STK3: variants seen among roughly 807,000 people sequenced by gnomAD.
STK3 encodes the protein serine/threonine kinase 3, also known as serine/threonine-protein kinase 3.
A neutral mutation model predicts 58.0 loss-of-function variants in STK3; 41 were observed. The ratio of observed to expected loss-of-function variants is 0.71; its 90% CI spans 0.55 to 0.92. The LOEUF (loss-of-function observed/expected upper bound fraction) is 0.92, where lower values mean the gene tolerates loss of function less well. Among genes scored for constraint, STK3 ranks in the 40% least tolerant of loss-of-function variants. The pLI is 0.00. For synonymous variants in STK3, 170 were observed against 191.0 expected (o/e 0.89, Z 0.91); for missense variants, 479 against 602.7 (o/e 0.79, Z 2.15).
At chr8:98,433,147 G>A (rs972739999) in intron 3 of STK3, among the ~76,000 whole-genome samples, 2 of 152,110 alleles carry the variant, frequency 1.3e-5, no homozygotes. Flanking sequence ...CGGAGTCCTA[G>A]TTTTCTAGGA....
In STK3 at chr8:98,430,414, C is replaced by T. The variant is rs79809243; in HGVS notation, n.483+3713G>A. 2.7e-3 allele frequency: 447 copies of T among 167,186 alleles called. 4 individuals are homozygous for T. Among genetic ancestry groups the T allele is most frequent in the Non-Finnish European group, 5.1e-3 (344 of 68,114 alleles). 10.4% of individuals were successfully genotyped at this position (167,186 alleles called of 1,614,324 possible). On this transcript the variant is annotated intron_variant and non_coding_transcript_variant, in intron 3 of 3. Coordinates refer to the STK3 transcript ENST00000517832. ...TCTTCCTCAACTAAAAAGAAGTTTACTGTTGTATCGTCTCCCTGAGGTGAA... is the reference window on the plus strand; with the variant it reads ...TCTTCCTCAACTAAAAAGAAGTTTATTGTTGTATCGTCTCCCTGAGGTGAA...
intron 3 of STK3, among the ~76,000 whole-genome samples, chr8:98,867,463 C>G (rs1307967842): frequency 6.6e-6 from 1 of 152,032 alleles, no homozygotes; most frequent in Admixed American, 6.5e-5. Flanking sequence ...GGATGTTTAT[C>G]TAACTTGTCT....
At chr8:98,532,136 C>T (rs1186168107) in intron 9 of STK3, among the ~76,000 whole-genome samples, 3 of 152,208 alleles carry the variant, frequency 2.0e-5, no homozygotes, top group African/African-American at 2.4e-5. Context: ...AGAGGCCTAG[C>T]TTTCACCCAG....
intron 10 of STK3, among the ~76,000 whole-genome samples, chr8:98,514,212 A>AT (rs575620496): frequency 1.0e-3 from 155 of 152,242 alleles, no homozygotes; most frequent in Non-Finnish European, 1.5e-3. Flanking sequence ...GTGGGGAAGG[A>AT]TCAAGTGAGA....
chr8:98,853,064 T>C (rs558631700), intron 3 of STK3, among the ~76,000 whole-genome samples: 1 of 152,104 alleles, frequency 6.6e-6, no homozygotes, highest in South Asian at 2.1e-4. Flanking sequence ...TTGTTTGGTA[T>C]AGTCATGTGT....
In STK3 at chr8:98,758,550, T is replaced by C. The variant is rs530237731; in HGVS notation, c.236+8693A>G. 2.0e-5 allele frequency among the ~76,000 whole-genome samples: 3 copies of C among 152,232 alleles called. No individual in the cohort carries two copies. In the South Asian group the frequency reaches 6.2e-4, roughly 32 times the overall value. On this transcript the variant is annotated intron_variant, in intron 3 of 10. Transcript: ENST00000419617. ...ATAAACAGAGGAGATTTTGCAAAAT[T>C]CTTGAGGGTCCTAAGATTTTTGGAA...
chr8:98,481,987 C>T (rs1035116550), intron 10 of STK3, among the ~76,000 whole-genome samples: 1 of 152,098 alleles, frequency 6.6e-6, no homozygotes, highest in African/African-American at 2.4e-5. Context: ...CTCACACTCC[C>T]CTTGAGCTGG....
At chr8:98,434,129 T>G (rs965316344) in exon 3 of STK3, 5 of 152,272 alleles carry the variant, frequency 3.3e-5, no homozygotes, top group Non-Finnish European at 7.3e-5. Flanking sequence ...CAACTCACAC[T>G]GAGCAGTGGT....
intron 8 of STK3, among the ~76,000 whole-genome samples, chr8:98,572,916 T>C (rs72666650): frequency 6.6e-6 from 1 of 152,260 alleles, no homozygotes; most frequent in Non-Finnish European, 1.5e-5. Flanking sequence ...CCCCAGAGAA[T>C]AAATGTTTAT....
intron 10 of STK3, among the ~76,000 whole-genome samples, chr8:98,490,642 C>A (rs2085805661): frequency 6.6e-6 from 1 of 152,176 alleles, no homozygotes; most frequent in Non-Finnish European, 1.5e-5. Flanking sequence ...AGCACAGTGT[C>A]TGGCACAGAG....
intron 1 of STK3, among the ~76,000 whole-genome samples, chr8:98,939,047 G>C (rs1157616481): frequency 3.9e-5 from 6 of 152,160 alleles, no homozygotes. Context: ...GCGGGGAGGG[G>C]TACAGCCTTG....
intron 6 of STK3, among the ~76,000 whole-genome samples, chr8:98,654,428 C>T (rs1196181993): frequency 1.3e-5 from 2 of 152,088 alleles, no homozygotes; most frequent in Admixed American, 6.5e-5. Flanking sequence ...TGGCACAAGA[C>T]AGGGATGCCC....
the STK3 span, among the ~76,000 whole-genome samples, chr8:98,344,967 A>G: frequency 6.0e-5 from 9 of 151,176 alleles, no homozygotes; most frequent in African/African-American, 1.9e-4. Context: ...TAATCCCATC[A>G]CCTATAGTAA....
intron 6 of STK3, chr8:98,602,062 TACAAG>T (rs1300941555): frequency 6.6e-6 from 1 of 152,324 alleles, no homozygotes; most frequent in Non-Finnish European, 1.5e-5. Context: ...AAATATAAAA[TACAAG>T]ACAAGTGCTA....
At chr8:98,730,900 G>A (rs951488359) in intron 4 of STK3, among the ~76,000 whole-genome samples, 3 of 152,044 alleles carry the variant, frequency 2.0e-5, no homozygotes, top group Non-Finnish European at 2.9e-5. Context: ...AACGCTGATC[G>A]ACATTTAAAT....
intron 1 of STK3, among the ~76,000 whole-genome samples, chr8:98,447,784 T>C: frequency 6.7e-6 from 1 of 148,734 alleles, no homozygotes; most frequent in East Asian, 1.9e-4. Flanking sequence ...ATATGTTTGC[T>C]ATCATTGCTG....
At chr8:98,850,412 A>G (rs1247068097) in intron 3 of STK3, among the ~76,000 whole-genome samples, 1 of 152,194 alleles carries the variant, frequency 6.6e-6, no homozygotes, top group Admixed American at 6.5e-5. Flanking sequence ...CAGAGAGATT[A>G]CTGTCTAATG....
At chr8:98,354,755 A>G in the STK3 span, among the ~76,000 whole-genome samples, 3 of 152,284 alleles carry the variant, frequency 2.0e-5, no homozygotes, top group Admixed American at 6.5e-5. Flanking sequence ...GGCAGCAGGT[A>G]TTACTTTTGC....
chr8:98,588,431 C>T (rs1282667810), intron 7 of STK3, among the ~76,000 whole-genome samples: 2 of 151,262 alleles, frequency 1.3e-5, no homozygotes, highest in African/African-American at 2.4e-5. Flanking sequence ...TTGGCCCCCA[C>T]TCTCTTCTGG....
Sources: gnomAD v4.1 joint callset for allele counts (sites outside exome capture counted in the v4.1 genomes callset) on GRCh38, gnomAD v4.1.1 for gene constraint, MANE v1.5 for transcripts, NCBI Gene and HGNC (gene_info 2026-07-23, HGNC 2026-07-21) for gene names.